Variants in GAPVD1 observed in about 807,000 individuals in gnomAD.
The protein encoded by GAPVD1 is GTPase-activating protein and VPS9 domain-containing protein 1.
A neutral mutation model predicts 155.5 loss-of-function variants in GAPVD1; 35 were observed. That is an observed-to-expected ratio of 0.23 (90% CI 0.17 to 0.30). The LOEUF (loss-of-function observed/expected upper bound fraction) is 0.30. GAPVD1 is among the 10% of genes least tolerant of loss of function. The probability of loss-of-function intolerance (pLI) is 1.00; values close to 1 mark genes in which losing one functional copy is unlikely to be tolerated. For synonymous variants in GAPVD1, 636 were observed against 619.7 expected (o/e 1.03, Z -0.39); for missense variants, 1,429 against 1,775.7 (o/e 0.80, Z 3.51).
intron 12 of GAPVD1, 151 bp downstream of exon 12, chr9:125,326,740 G>T: frequency 2.0e-6 from 1 of 506,956 alleles, no homozygotes; most frequent in Non-Finnish European, 3.4e-6. Flanking sequence ...AAGGCATTTG[G>T]GTACTTTTTT....
intron 4 of GAPVD1, among the ~76,000 whole-genome samples, chr9:125,300,693 G>A (rs1840722708): frequency 6.6e-6 from 1 of 152,004 alleles, no homozygotes; most frequent in Admixed American, 6.6e-5. Context: ...TTTTTAAAAT[G>A]TTCCATGTCT....
intron 3 of GAPVD1, among the ~76,000 whole-genome samples, chr9:125,298,513 C>T (rs1446231526): frequency 1.4e-5 from 1 of 69,874 alleles, no homozygotes; most frequent in South Asian, 4.8e-4. Flanking sequence ...TTTTTGAGAA[C>T]GATTCTTGCT....
At chr9:125,356,917 C>A in intron 25 of GAPVD1, among the ~76,000 whole-genome samples, 1 of 152,130 alleles carries the variant, frequency 6.6e-6, no homozygotes, top group East Asian at 1.9e-4. Flanking sequence ...TCAGATGATC[C>A]GCTCGTCTTG....
At chr9:125,273,992 TTTA>T (rs1330379033) in intron 2 of GAPVD1, among the ~76,000 whole-genome samples, 3 of 151,370 alleles carry the variant, frequency 2.0e-5, no homozygotes, top group Admixed American at 1.3e-4. Flanking sequence ...TTTTTATTTA[TTTA>T]TTATTATTAT....
At chr9:125,266,178 G>A (rs1419362412) in intron 1 of GAPVD1, among the ~76,000 whole-genome samples, 1 of 150,484 alleles carries the variant, frequency 6.6e-6, no homozygotes, top group African/African-American at 2.4e-5. Flanking sequence ...CCAGGCTGGA[G>A]TGCAAATGCG....
intron 2 of GAPVD1, among the ~76,000 whole-genome samples, chr9:125,287,387 A>G (rs1837874816): frequency 6.6e-6 from 1 of 152,096 alleles, no homozygotes; most frequent in African/African-American, 2.4e-5. Context: ...AAAATGCAAA[A>G]ATTAGCTGGG....
intron 1 of GAPVD1, among the ~76,000 whole-genome samples, chr9:125,268,205 C>CCA (rs1491471791): frequency 1.9e-5 from 2 of 108,078 alleles, no homozygotes; most frequent in African/African-American, 6.7e-5. Context: ...CCCCCCCCCC[C>CCA]AAAAAAAAAC....
At chr9:125,310,765 C>T (rs1267670003) in intron 8 of GAPVD1, among the ~76,000 whole-genome samples, 7 of 150,922 alleles carry the variant, frequency 4.6e-5, no homozygotes, top group African/African-American at 7.3e-5. Flanking sequence ...CTTGAACTCC[C>T]GGCCTCAGGA....
At chr9:125,273,338 TA>T (rs2131884629) in intron 2 of GAPVD1, among the ~76,000 whole-genome samples, 1 of 152,288 alleles carries the variant, frequency 6.6e-6, no homozygotes, top group East Asian at 1.9e-4. Flanking sequence ...ATTGTTGAAC[TA>T]TGTCTTATTT....
chr9:125,308,216 C>T (rs1014725723), intron 8 of GAPVD1: 26 of 334,362 alleles, frequency 7.8e-5, no homozygotes, highest in African/African-American at 2.3e-4. Context: ...TGTGGTGGCA[C>T]GTGCCTGTGG....
chr9:125,270,629 T>C (rs1167951488), intron 2 of GAPVD1, among the ~76,000 whole-genome samples: 2 of 152,100 alleles, frequency 1.3e-5, no homozygotes, highest in Non-Finnish European at 2.9e-5. Context: ...CTTCAGTTTC[T>C]AATATTTAAT....
chr9:125,302,209 G>A lies in GAPVD1; in HGVS notation c.412G>A (p.Gly138Ser), dbSNP rs761920515. The A allele has an allele frequency of 1.2e-6, 2 of 1,613,558 alleles. No homozygotes were observed. The highest frequency in any genetic ancestry group is 1.7e-6 in the Non-Finnish European group (2 of 1,179,574). Reference protein sequence around the residue: ...VIYTVFTSLYGNCIMQEDESY... With the variant: ...VIYTVFTSLYSNCIMQEDESY... ...TTACACAGTTTTTACCTCCCTGTAT[G>A]GCAATTGCATCATGCAAGAAGATGA... Residue 138 changes from glycine (G) to serine (S), a missense_variant, in exon 5 of 28, where the codon GGC (glycine) becomes AGC (serine). Gly to Ser is a moderately conservative substitution (Grantham distance 56, BLOSUM62 0). This residue lies in a region of GAPVD1 where 628 missense variants were observed against 733.4 expected (regional missense o/e 0.86). Coordinates refer to ENST00000297933, the MANE Select transcript of GAPVD1 (RefSeq NM_001282680.3).
At chr9:125,327,762 C>T (rs1029819786) in intron 12 of GAPVD1, among the ~76,000 whole-genome samples, 1 of 152,170 alleles carries the variant, frequency 6.6e-6, no homozygotes, top group African/African-American at 2.4e-5. Flanking sequence ...CCTCGGCCTC[C>T]CAAAGTGCTG....
At chr9:125,306,287 C>T (rs993109832) in intron 6 of GAPVD1, among the ~76,000 whole-genome samples, 20 of 152,106 alleles carry the variant, frequency 1.3e-4, no homozygotes, top group Non-Finnish European at 7.4e-5. Flanking sequence ...CCTCAGCCTC[C>T]GAGTAGCTGG....
intron 15 of GAPVD1, among the ~76,000 whole-genome samples, chr9:125,333,444 G>A (rs1441577760): frequency 3.3e-5 from 5 of 150,772 alleles, no homozygotes. Context: ...TGCTAGCAGT[G>A]GTTTTATATA....
intron 2 of GAPVD1, among the ~76,000 whole-genome samples, chr9:125,274,267 C>T (rs117612404): frequency 0.026 from 4,009 of 151,982 alleles, 95 homozygotes; most frequent in Middle Eastern, 0.092. Context: ...ATCTGCCGGC[C>T]TCGGCCTCTC....
At chr9:125,352,335 G>A (rs1453739849) in intron 23 of GAPVD1, among the ~76,000 whole-genome samples, 1 of 152,218 alleles carries the variant, frequency 6.6e-6, no homozygotes, top group African/African-American at 2.4e-5. Flanking sequence ...ACTTCTGCCT[G>A]GGCATCCAGG....
intron 13 of GAPVD1, 93 bp from the exon 14 acceptor site, chr9:125,331,833 C>T: frequency 9.1e-7 from 1 of 1,102,648 alleles, no homozygotes; most frequent in Non-Finnish European, 1.4e-6. Context: ...TTTATTCATG[C>T]CCTGGTAGCT....
At chr9:125,304,418 TG>T (rs754577655) in intron 5 of GAPVD1, among the ~76,000 whole-genome samples, 3 of 152,188 alleles carry the variant, frequency 2.0e-5, no homozygotes, top group African/African-American at 7.2e-5. Context: ...TTTTTTTGTT[TG>T]TTTTTTTTGT....
Sources: allele counts gnomAD v4.1 joint callset (sites outside exome capture counted in the v4.1 genomes callset), GRCh38; gene constraint gnomAD v4.1.1; regional missense constraint gnomAD v4.1.1; transcripts MANE v1.5; gene names NCBI Gene and HGNC (gene_info 2026-07-23, HGNC 2026-07-21).